HACL1: variants seen among roughly 807,000 people sequenced by gnomAD.
The protein encoded by HACL1 is 2-hydroxyacyl-CoA lyase 1.
A neutral mutation model predicts 74.2 loss-of-function variants in HACL1; 64 were observed. The ratio of observed to expected loss-of-function variants is 0.86; its 90% CI spans 0.70 to 1.06. HACL1 has a LOEUF of 1.06. HACL1 is among the 50% of genes least tolerant of loss of function. HACL1 has a pLI of 0.00. For missense variants in HACL1, 728 were observed against 719.7 expected, an observed-to-expected ratio of 1.01 and a Z score of -0.13; for synonymous variants, 230 against 238.8, an observed-to-expected ratio of 0.96 and a Z score of 0.34.
chr3:15,600,622 A>G (rs1266004790), intron 2 of HACL1, among the ~76,000 whole-genome samples: 3 of 152,220 alleles, frequency 2.0e-5, no homozygotes, highest in Admixed American at 2.0e-4. Flanking sequence ...CAATCATACA[A>G]CAAAGCCTTG....
At chr3:15,570,326 A>T (rs1201745692) in intron 12 of HACL1, among the ~76,000 whole-genome samples, 2 of 151,084 alleles carry the variant, frequency 1.3e-5, no homozygotes, top group Non-Finnish European at 3.0e-5. Flanking sequence ...CTGGCGACAG[A>T]GTGAGACTCT....
At chr3:15,583,168 G>A (rs1051823889) in intron 7 of HACL1, among the ~76,000 whole-genome samples, 179 bp from the exon 8 acceptor site, 1 of 152,156 alleles carries the variant, frequency 6.6e-6, no homozygotes, top group Admixed American at 6.5e-5. Context: ...ACATAAACAT[G>A]CATTTATTTT....
intron 8 of HACL1, 41 bp from the exon 9 acceptor site, chr3:15,580,086 A>G (rs1239685902): frequency 6.5e-7 from 1 of 1,546,842 alleles, no homozygotes; most frequent in South Asian, 1.2e-5. Flanking sequence ...CAGTTAAGCT[A>G]TAGGCACTGT....
At chr3:15,582,166 A>C (rs776377901) in intron 8 of HACL1, among the ~76,000 whole-genome samples, 3 of 152,222 alleles carry the variant, frequency 2.0e-5, no homozygotes, top group Non-Finnish European at 2.9e-5. Flanking sequence ...CCTCAGTTCC[A>C]GAACACGAAA....
chr3:15,573,371 T>C (rs2063570521), intron 10 of HACL1, 129 bp from the exon 11 acceptor site: 3 of 613,932 alleles, frequency 4.9e-6, no homozygotes, highest in Admixed American at 3.0e-5. Flanking sequence ...ATTCAGAAGT[T>C]CCTTAATAAA....
chr3:15,588,361 A>C (rs1351218852), intron 5 of HACL1, among the ~76,000 whole-genome samples: 1 of 152,116 alleles, frequency 6.6e-6, no homozygotes, highest in African/African-American at 2.4e-5. Context: ...TGGGAGGCCA[A>C]GGTGGTGGAT....
intron 10 of HACL1, among the ~76,000 whole-genome samples, chr3:15,573,758 G>C (rs1239171989): frequency 6.6e-6 from 1 of 152,140 alleles, no homozygotes; most frequent in African/African-American, 2.4e-5. Flanking sequence ...CTGGCCCAGG[G>C]AACCACATTT....
Position 15,596,427 on chromosome 3 carries a change from A to G in HACL1, c.187-3T>C, listed in dbSNP as rs1179641261. 1 of 1,589,034 alleles carries G rather than the reference A, an allele frequency of 6.3e-7. No homozygotes were observed. Among genetic ancestry groups the G allele is most frequent in the Non-Finnish European group, 8.6e-7 (1 of 1,157,260 alleles). On this transcript the variant is annotated splice_region_variant and splice_polypyrimidine_tract_variant and intron_variant, in intron 2 of 16. Transcript: ENST00000321169. Reference sequence around the variant, plus strand: ...ATCGCGGAGGCAGCATAACAAGCCTACGAGAAAACAACACTGGGACTTGAG... The same window carrying G: ...ATCGCGGAGGCAGCATAACAAGCCTGCGAGAAAACAACACTGGGACTTGAG...
At chr3:15,568,035 TGG>T in intron 13 of HACL1, 33 bp from the exon 14 acceptor site, 4 of 1,605,234 alleles carry the variant, frequency 2.5e-6, no homozygotes, top group Non-Finnish European at 3.4e-6. Context: ...TGAAACCCTC[TGG>T]GGCATGTCAT....
chr3:15,567,898 A>T lies in HACL1; in HGVS notation c.1355T>A (p.Val452Glu). ...DRSPGQWIICVEGDSAFGFSG... is the reference protein window; with the variant it reads ...DRSPGQWIICEEGDSAFGFSG... Reference sequence around the variant, plus strand: ...AAACCCAAATGCACTGTCTCCTTCCACACAGATGATCCATTGCCCAGGGCT... The same window carrying T: ...AAACCCAAATGCACTGTCTCCTTCCTCACAGATGATCCATTGCCCAGGGCT... The change falls in exon 14 of 17, where the codon GTG becomes GAG. Residue 452 changes from valine to glutamate, a missense_variant. Coordinates refer to ENST00000321169, the MANE Select transcript of HACL1 (RefSeq NM_012260.4). 1 of 1,614,142 alleles carries T rather than the reference A, an allele frequency of 6.2e-7. No individual in the cohort carries two copies. The highest frequency in any genetic ancestry group is 8.5e-7 in the Non-Finnish European group (1 of 1,179,932).
intron 6 of HACL1, among the ~76,000 whole-genome samples, chr3:15,586,259 C>T (rs190818686): frequency 6.6e-6 from 1 of 152,122 alleles, no homozygotes; most frequent in African/African-American, 2.4e-5. Context: ...ATAAACCTTT[C>T]TCTTTACTTT....
In HACL1 at chr3:15,563,521, G is replaced by C; in HGVS notation, c.1541C>G (p.Pro514Arg). 1 of 1,610,048 alleles carries C rather than the reference G, an allele frequency of 6.2e-7. No homozygotes were observed. The highest frequency in any genetic ancestry group is 8.5e-7 in the Non-Finnish European group (1 of 1,176,706). Residue 514 changes from proline (P) to arginine (R), a missense_variant, in exon 16 of 17, where the codon CCA becomes CGA. By Grantham distance (103) the Pro-to-Arg change is moderately radical. Transcript: ENST00000321169. The stretch of plus-strand genomic sequence containing the variant: ...CATGACTTGCTCATAATGTGAATTT[G>C]GCAGCAAACACATTGGAGGGACCCT... Reference protein sequence around the residue: ...TAVVPPMCLLPNSHYEQVMTA... With the variant: ...TAVVPPMCLLRNSHYEQVMTA...
chr3:15,568,116 A>C, intron 13 of HACL1, 114 bp from the exon 14 acceptor site: 1 of 900,592 alleles, frequency 1.1e-6, no homozygotes, highest in Non-Finnish European at 1.7e-6. Context: ...AGAACCATAA[A>C]AACATTCTCT....
In HACL1 at chr3:15,568,522, T is replaced by C; in HGVS notation, c.1160A>G (p.Gln387Arg). 1 of 1,593,944 alleles carries C rather than the reference T, an allele frequency of 6.3e-7. No homozygotes were observed. The highest frequency in any genetic ancestry group is 8.6e-7 in the Non-Finnish European group (1 of 1,161,808). Residue 387 changes from glutamine to arginine, a missense_variant, in exon 13 of 17, where the codon CAA (glutamine) becomes CGA (arginine). Coordinates refer to ENST00000321169, the MANE Select transcript of HACL1 (RefSeq NM_012260.4). ...YYTVFYHVQE[Q>R]LPRDCFVVSE... is the part of the protein sequence containing the mutation. ...TACCACGAAACAGTCTCTAGGTAGT[T>C]GTTCTTGAACATGGTAGAATACTGT...
chr3:15,593,124 C>CAT (rs775664481), intron 3 of HACL1, among the ~76,000 whole-genome samples: 12 of 136,864 alleles, frequency 8.8e-5, no homozygotes, highest in South Asian at 2.2e-4. Context: ...TATACACACA[C>CAT]ATACGTATAT....
intron 2 of HACL1, among the ~76,000 whole-genome samples, chr3:15,597,406 A>C (rs749042786): frequency 1.3e-5 from 2 of 152,064 alleles, no homozygotes; most frequent in African/African-American, 2.4e-5. Flanking sequence ...TTCAGCTCAT[A>C]ATCAGGAAGA....
chr3:15,585,220 A>G, intron 7 of HACL1, 28 bp downstream of exon 7: 1 of 1,092,256 alleles, frequency 9.2e-7, no homozygotes, highest in East Asian at 2.4e-5. Flanking sequence ...TACATTGAAG[A>G]AAGAATTCCA....
intron 12 of HACL1, among the ~76,000 whole-genome samples, chr3:15,569,887 G>A (rs546544196): frequency 2.0e-4 from 30 of 151,782 alleles, no homozygotes; most frequent in Middle Eastern, 3.4e-3. Flanking sequence ...CTACTCGGGA[G>A]GCTGAGGCAG....
chr3:15,583,063 G>T, intron 7 of HACL1, 74 bp from the exon 8 acceptor site: 1 of 698,504 alleles, frequency 1.4e-6, no homozygotes, highest in Non-Finnish European at 2.5e-6. Context: ...CAAATATATA[G>T]AAAGGTAGAA....
Sources: allele counts gnomAD v4.1 joint callset (sites outside exome capture counted in the v4.1 genomes callset), GRCh38; gene constraint gnomAD v4.1.1; transcripts MANE v1.5; gene names NCBI Gene and HGNC (gene_info 2026-07-23, HGNC 2026-07-21).